Variants in NCK2 observed in about 807,000 individuals in gnomAD.
NCK2 encodes the protein cytoplasmic protein NCK2.
In NCK2, 16 loss-of-function variants were observed where a neutral mutation model predicts 33.9. The ratio of observed to expected loss-of-function variants is 0.47; its 90% CI spans 0.32 to 0.72. NCK2 has a LOEUF of 0.72. Among genes scored for constraint, NCK2 ranks in the 30% least tolerant of loss-of-function variants. The probability of loss-of-function intolerance (pLI) is 0.03; values close to 1 mark genes in which losing one functional copy is unlikely to be tolerated. For synonymous variants in NCK2, 273 were observed against 239.9 expected (o/e 1.14, Z -1.27); for missense variants, 418 against 537.3 (o/e 0.78, Z 2.19).
chr2:105,887,706 C>G (rs1348146876), intron 4 of NCK2, among the ~76,000 whole-genome samples: 1 of 152,172 alleles, frequency 6.6e-6, no homozygotes, highest in Non-Finnish European at 1.5e-5. Context: ...CTGTCCTCGG[C>G]ATTCATTTTT....
intron 1 of NCK2, among the ~76,000 whole-genome samples, chr2:105,745,534 G>C (rs1286040901): frequency 6.6e-6 from 1 of 152,134 alleles, no homozygotes; most frequent in Non-Finnish European, 1.5e-5. Context: ...CTCGGGGCTA[G>C]CGTGGGACCG....
chr2:105,879,124 C>T (rs969618153), intron 3 of NCK2, among the ~76,000 whole-genome samples: 1 of 152,160 alleles, frequency 6.6e-6, no homozygotes, highest in Non-Finnish European at 1.5e-5. Context: ...ATGAATATTC[C>T]GAAACCTGCT....
intron 1 of NCK2, among the ~76,000 whole-genome samples, chr2:105,760,626 G>C (rs2134082): frequency 0.24 from 36,206 of 151,778 alleles, 4,814 homozygotes; most frequent in Middle Eastern, 0.36. Context: ...ATCAACCAAG[G>C]GTCTTTGCTT....
chr2:105,835,405 A>ATATATATATATATGTG (rs70953537), intron 2 of NCK2, among the ~76,000 whole-genome samples: 13 of 37,798 alleles, frequency 3.4e-4, no homozygotes, highest in Non-Finnish European at 6.9e-4. Flanking sequence ...ATATATATAT[A>ATATATATATATATGTG]CGTGTATATA....
intron 1 of NCK2, among the ~76,000 whole-genome samples, chr2:105,785,726 T>C (rs1690657171): frequency 6.6e-6 from 1 of 152,236 alleles, no homozygotes. Context: ...GCCTTTGTGC[T>C]TTATAAGCCG....
chr2:105,869,501 A>G (rs1677905214), intron 3 of NCK2, among the ~76,000 whole-genome samples: 1 of 152,242 alleles, frequency 6.6e-6, no homozygotes, highest in Non-Finnish European at 1.5e-5. Flanking sequence ...GCTGGGCTCC[A>G]GAGTGTTCTG....
chr2:105,842,895 T>TG (rs1057058858), intron 2 of NCK2, among the ~76,000 whole-genome samples: 4 of 85,498 alleles, frequency 4.7e-5, no homozygotes, highest in African/African-American at 1.8e-4. Flanking sequence ...GGTGGTGGGG[T>TG]GGGGGGGTTC....
intron 1 of NCK2, among the ~76,000 whole-genome samples, chr2:105,771,067 C>T (rs62154124): frequency 0.22 from 33,266 of 151,760 alleles, 4,127 homozygotes; most frequent in Middle Eastern, 0.38. Flanking sequence ...GGACTACAGG[C>T]GCCCGCCACC....
In NCK2 at chr2:105,836,187, G is replaced by T. The variant is rs111651210; in HGVS notation, c.-16-18861G>T. Among the ~76,000 whole-genome samples, 774 of 150,454 alleles carry T rather than the reference G, an allele frequency of 5.1e-3. 12 individuals are homozygous for T. The highest frequency in any genetic ancestry group is 0.027 in the Middle Eastern group (8 of 292). ...GGTTTTATTGTTTCCTTGCTTTTTC[G>T]TGTTTCTTGTATCTGTACGTTGATA... On this transcript the variant is annotated intron_variant, in intron 2 of 4. Transcript: ENST00000233154.
intron 1 of NCK2, among the ~76,000 whole-genome samples, chr2:105,753,081 T>A (rs2104333741): frequency 6.6e-6 from 1 of 152,362 alleles, no homozygotes; most frequent in East Asian, 1.9e-4. Context: ...CTGACCAAGC[T>A]AGCCACCATC....
rs534737908 is a variant in NCK2 at position 105,842,846 on chromosome 2, G to C, written c.-16-12202G>C. Among the ~76,000 whole-genome samples the C allele has an allele frequency of 1.2e-3, 178 of 151,682 alleles. 1 individual carries two copies. Among genetic ancestry groups the C allele is most frequent in the African/African-American group, 4.2e-3 (172 of 41,146 alleles). On this transcript the variant is annotated intron_variant, in intron 2 of 4. Coordinates refer to ENST00000233154, the MANE Select transcript of NCK2 (RefSeq NM_003581.5). ...TGGTTTTGGAGGAATGAGTTTTCAG[G>C]GGGGTGGACGCTGTGAGAAATATGA...
At chr2:105,767,616 G>C (rs2104370712) in intron 1 of NCK2, among the ~76,000 whole-genome samples, 1 of 152,302 alleles carries the variant, frequency 6.6e-6, no homozygotes, top group Non-Finnish European at 1.5e-5. Context: ...GCAGAATTGA[G>C]GAATTGTGAC....
At chr2:105,889,567 ATTTCT>A (rs1285782315) in intron 4 of NCK2, among the ~76,000 whole-genome samples, 43 of 117,412 alleles carry the variant, frequency 3.7e-4, no homozygotes, top group African/African-American at 1.2e-3. Context: ...GAGAATTTGC[ATTTCT>A]TTTTTTTTTT....
intron 1 of NCK2, among the ~76,000 whole-genome samples, chr2:105,746,962 AG>A (rs1046943892): frequency 1.2e-4 from 19 of 152,134 alleles, no homozygotes; most frequent in Non-Finnish European, 5.9e-5. Flanking sequence ...ATAAACATTC[AG>A]GGGGGTTGGT....
At chr2:105,832,969 A>G (rs1676256500) in intron 2 of NCK2, among the ~76,000 whole-genome samples, 2 of 146,004 alleles carry the variant, frequency 1.4e-5, no homozygotes. Flanking sequence ...CACTAAGGCC[A>G]TCCAGTCCTG....
intron 2 of NCK2, among the ~76,000 whole-genome samples, chr2:105,833,331 A>C (rs938909171): frequency 3.9e-5 from 6 of 152,106 alleles, no homozygotes; most frequent in Non-Finnish European, 8.8e-5. Context: ...TCCGGGCCTC[A>C]GGTGATCCAC....
chr2:105,810,938 G>C (rs955188883), intron 1 of NCK2, among the ~76,000 whole-genome samples: 1 of 152,104 alleles, frequency 6.6e-6, no homozygotes, highest in Non-Finnish European at 1.5e-5. Context: ...CACTTTGGGA[G>C]GCCCAGGTGG....
chr2:105,803,408 T>C (rs1257652285), intron 1 of NCK2, among the ~76,000 whole-genome samples: 2 of 152,242 alleles, frequency 1.3e-5, no homozygotes, highest in African/African-American at 4.8e-5. Flanking sequence ...GCCACTTCTG[T>C]GCTGTGCCTT....
chr2:105,870,521 C>T (rs373232152), intron 3 of NCK2, among the ~76,000 whole-genome samples: 5 of 152,220 alleles, frequency 3.3e-5, no homozygotes, highest in Admixed American at 1.3e-4. Context: ...AGTGGGAGGC[C>T]GAGGTGGGCA....
Sources: gnomAD v4.1 joint callset for allele counts (sites outside exome capture counted in the v4.1 genomes callset) on GRCh38, gnomAD v4.1.1 for gene constraint, MANE v1.5 for transcripts, NCBI Gene and HGNC (gene_info 2026-07-23, HGNC 2026-07-21) for gene names.